CACNB2: variants seen among roughly 807,000 people sequenced by gnomAD.
CACNB2 encodes the protein voltage-dependent L-type calcium channel subunit beta-2.
In CACNB2, 42 loss-of-function variants were observed where a neutral mutation model predicts 73.3. The ratio of observed to expected loss-of-function variants is 0.57; its 90% CI spans 0.45 to 0.74. CACNB2 has a LOEUF of 0.74. Among genes scored for constraint, CACNB2 ranks in the 30% least tolerant of loss-of-function variants. The probability of loss-of-function intolerance (pLI) is 0.00; values close to 1 mark genes in which losing one functional copy is unlikely to be tolerated. For synonymous variants in CACNB2, 348 were observed against 310.3 expected (o/e 1.12, Z -1.28); for missense variants, 940 against 853.0 (o/e 1.10, Z -1.27).
chr10:18,386,218 G>A (rs2043223288), intron 2 of CACNB2, among the ~76,000 whole-genome samples: 1 of 151,898 alleles, frequency 6.6e-6, no homozygotes, highest in South Asian at 2.1e-4. Flanking sequence ...TTCTTTTTCT[G>A]GGAATGTCTC....
Position 18,140,633 on chromosome 10 carries a change from C to T in CACNB2, c.-104C>T. On this transcript the variant is annotated 5_prime_UTR_variant, in exon 1 of 14. Transcript: ENST00000324631. ...CGCCGAGAACGGCCGGGCCTGAGCC[C>T]TGGGCGGCCCCCAGAGCCGATCAGA... The T allele has an allele frequency of 5.9e-6, 6 of 1,016,864 alleles. No homozygotes were observed. The highest frequency in any genetic ancestry group is 8.8e-6 in the Non-Finnish European group (6 of 684,210). The allele number at this position is 1,016,864 out of a possible 1,614,324, so 63.0% of individuals were successfully genotyped here. A position where few individuals can be genotyped will look rare whatever the true frequency, so the allele number is the denominator to read the frequency against.
intron 2 of CACNB2, among the ~76,000 whole-genome samples, chr10:18,279,282 T>G (rs1304769647): frequency 6.6e-6 from 1 of 152,158 alleles, no homozygotes; most frequent in Non-Finnish European, 1.5e-5. Context: ...TTCTCTACCT[T>G]TCCCCAATGA....
intron 3 of CACNB2, among the ~76,000 whole-genome samples, chr10:18,454,331 C>T (rs770533182): frequency 3.9e-5 from 6 of 152,156 alleles, no homozygotes; most frequent in South Asian, 2.1e-4. Flanking sequence ...TTAAAACCAG[C>T]GTTTTTCAAC....
chr10:18,233,634 T>A (rs924782807), intron 2 of CACNB2, among the ~76,000 whole-genome samples: 5 of 152,216 alleles, frequency 3.3e-5, no homozygotes, highest in African/African-American at 1.2e-4. Flanking sequence ...ACATCTTTGT[T>A]GTTCGAAGAG....
chr10:18,277,859 G>T (rs1382758887), intron 2 of CACNB2, among the ~76,000 whole-genome samples: 26 of 152,062 alleles, frequency 1.7e-4, no homozygotes, highest in Non-Finnish European at 1.3e-4. Flanking sequence ...GATTGCTTTT[G>T]ATTCCTGAGT....
rs188714608 is a variant in CACNB2, at chr10:18,452,956, A to G, written c.334-45399A>G. Among the ~76,000 whole-genome samples, 130 of 152,292 alleles carry G rather than the reference A, an allele frequency of 8.5e-4. 1 individual carries two copies. In the East Asian group the frequency reaches 0.02, roughly 23 times the overall value. On this transcript the variant is annotated intron_variant, in intron 3 of 13. Transcript: ENST00000324631. Reference sequence around the variant, plus strand: ...ACAAACCAGAGTCAGGGATAAAACCAAGATAAAAATCTCATCTCCGCTGAC... The same window carrying G: ...ACAAACCAGAGTCAGGGATAAAACCGAGATAAAAATCTCATCTCCGCTGAC...
intron 3 of CACNB2, among the ~76,000 whole-genome samples, chr10:18,452,309 T>C (rs1392503920): frequency 6.6e-6 from 1 of 151,978 alleles, no homozygotes; most frequent in African/African-American, 2.4e-5. Flanking sequence ...ATGACTATAG[T>C]CCTAGCTACT....
chr10:18,170,386 C>T (rs1387591942), intron 2 of CACNB2, among the ~76,000 whole-genome samples: 1 of 152,174 alleles, frequency 6.6e-6, no homozygotes, highest in Non-Finnish European at 1.5e-5. Flanking sequence ...AGAATAAGTC[C>T]TTGCCATCCC....
At chr10:18,433,214 A>T (rs1171658133) in intron 3 of CACNB2, among the ~76,000 whole-genome samples, 2 of 152,234 alleles carry the variant, frequency 1.3e-5, no homozygotes, top group Non-Finnish European at 2.9e-5. Flanking sequence ...GATGATCAAG[A>T]TAGAGTATTT....
chr10:18,359,834 T>C (rs1365537738), intron 2 of CACNB2, among the ~76,000 whole-genome samples: 2 of 152,072 alleles, frequency 1.3e-5, no homozygotes, highest in Non-Finnish European at 2.9e-5. Flanking sequence ...GAATTTTAAT[T>C]ATTGTACTTT....
At chr10:18,178,800 G>A (rs1319273348) in intron 2 of CACNB2, among the ~76,000 whole-genome samples, 2 of 152,184 alleles carry the variant, frequency 1.3e-5, no homozygotes, top group Admixed American at 6.5e-5. Context: ...GCTGCCATTA[G>A]CAAGTTTGTT....
intron 2 of CACNB2, among the ~76,000 whole-genome samples, chr10:18,344,066 CAAA>C (rs57533459): frequency 8.2e-5 from 9 of 109,462 alleles, no homozygotes; most frequent in South Asian, 2.9e-4. Context: ...AAGCATTTAT[CAAA>C]AAAAAAAAAA....
Position 18,536,151 on chromosome 10 carries a change from C to G in CACNB2, c.1257C>G (p.Leu419=), listed in dbSNP as rs780714212. The change falls in exon 12 of 14, where the codon CTC becomes CTG. Residue 419 remains leucine (L), a synonymous_variant. Transcript: ENST00000324631. ...GAGGGAAATCTCAAGCTAAACACCT[C>G]AACGTCCAGATGGTAGCAGCTGATA... ...KSRGKSQAKH[L]NVQMVAADKL... 1 of 1,605,456 alleles carries G rather than the reference C, an allele frequency of 6.2e-7. No individual in the cohort carries two copies. Among genetic ancestry groups the G allele is most frequent in the East Asian group, 2.3e-5 (1 of 44,282 alleles).
intron 3 of CACNB2, among the ~76,000 whole-genome samples, chr10:18,440,500 C>T (rs2046360623): frequency 6.6e-6 from 1 of 151,422 alleles, no homozygotes; most frequent in South Asian, 2.1e-4. Flanking sequence ...TGTGACCCCT[C>T]ATGGCAAAAA....
intron 2 of CACNB2, among the ~76,000 whole-genome samples, chr10:18,325,842 T>A (rs1169107994): frequency 1.3e-5 from 2 of 151,572 alleles, no homozygotes; most frequent in Admixed American, 6.6e-5. Context: ...CCTCCCAGAC[T>A]CAAGCCAACC....
chr10:18,317,400 C>T (rs567291707), intron 2 of CACNB2, among the ~76,000 whole-genome samples: 159 of 152,200 alleles, frequency 1.0e-3, no homozygotes, highest in Middle Eastern at 3.4e-3. Context: ...CTACCTCTCC[C>T]CTTTTGGGAC....
chr10:18,320,772 A>G (rs966603765), intron 2 of CACNB2, among the ~76,000 whole-genome samples: 7 of 152,222 alleles, frequency 4.6e-5, no homozygotes, highest in African/African-American at 4.8e-5. Flanking sequence ...TTATTTACTT[A>G]TTGATGGGCT....
rs762313883 is a variant in CACNB2 at position 18,140,720 on chromosome 10, G to T, written c.-17G>T. The T allele has an allele frequency of 5.0e-5, 80 of 1,585,822 alleles. No individual in the cohort carries two copies. In the East Asian group the frequency reaches 1.7e-3, roughly 33 times the overall value. ...CGCCGGGGGCTGGCTGCTTCGCTCC[G>T]AGCCGACTTTTCGCCAATGGTCCAA... On this transcript the variant is annotated 5_prime_UTR_variant, in exon 1 of 14. Coordinates refer to ENST00000324631, the MANE Select transcript of CACNB2 (RefSeq NM_201596.3).
rs1244388162 is a variant in CACNB2 at position 18,542,373 on chromosome 10, G to A, written c.*2649G>A. 2.6e-5 allele frequency: 4 copies of A among 152,010 alleles called. No homozygotes were observed. The highest frequency in any genetic ancestry group is 6.6e-5 in the Admixed American group (1 of 15,266). The allele number at this position is 152,010 out of a possible 1,614,324, so 9.4% of individuals were successfully genotyped here. A position where few individuals can be genotyped will look rare whatever the true frequency, so the allele number is the denominator to read the frequency against. On this transcript the variant is annotated 3_prime_UTR_variant, in exon 14 of 14. Coordinates refer to ENST00000324631, the MANE Select transcript of CACNB2 (RefSeq NM_201596.3). ...AGGAAACCATATTCTAATTAAAATT[G>A]AATTTATAAAATATTTCTGATAAAA...
Sources: allele counts gnomAD v4.1 joint callset (sites outside exome capture counted in the v4.1 genomes callset), GRCh38; gene constraint gnomAD v4.1.1; transcripts MANE v1.5; gene names NCBI Gene and HGNC (gene_info 2026-07-23, HGNC 2026-07-21).